TEAD3: variants seen among roughly 807,000 people sequenced by gnomAD.
The protein encoded by TEAD3 is transcriptional enhancer factor TEF-5.
In TEAD3, 15 loss-of-function variants were observed where a neutral mutation model predicts 55.6. The observed-to-expected ratio is 0.27, with a 90% CI of 0.18 to 0.42. The LOEUF is 0.42. TEAD3 is among the 10% of genes least tolerant of loss of function. TEAD3 has a pLI of 1.00. For missense variants in TEAD3, 407 were observed against 576.8 expected (o/e 0.71, Z 3.01); for synonymous variants, 210 against 232.2 (o/e 0.90, Z 0.87).
rs1158454505 is a variant in TEAD3 at position 35,488,301 on chromosome 6, A to C, written c.-49-1590T>G. Among the ~76,000 whole-genome samples, 2 of 152,018 alleles carry C rather than the reference A, an allele frequency of 1.3e-5. No individual in the cohort carries two copies. The highest frequency in any genetic ancestry group is 1.3e-4 in the Admixed American group (2 of 15,264). ...CCCTGGCCCATCCTACATGTGGGCC[A>C]GGGCTCTGTAAACTGTGAGTGCCCT... is the stretch of plus-strand genomic sequence containing the variant. On this transcript the variant is annotated intron_variant, in intron 1 of 12. Coordinates refer to ENST00000639578, the Ensembl canonical transcript of TEAD3. This position sits in a 1 kb window ranked among gnomAD's most constrained non-coding sequence, Gnocchi z 4.2.
Position 35,486,497 on chromosome 6 carries a change from G to T in TEAD3, c.166C>A (p.Arg56=), listed in dbSNP as rs904094659. The T allele has an allele frequency of 5.6e-6, 9 of 1,613,374 alleles. No individual in the cohort carries two copies. Among genetic ancestry groups the T allele is most frequent in the Non-Finnish European group, 7.6e-6 (9 of 1,179,706 alleles). ...CCCTCGTCTGACAGGATGATCTTCC[G>T]CCGGCCGCAGGGCGGGTAGATGGCC... The change falls in exon 2 of 13, where the codon CGG becomes AGG. Residue 56 remains arginine, a synonymous_variant. Transcript: ENST00000639578. This position sits in a 1 kb window ranked among gnomAD's most constrained non-coding sequence, Gnocchi z 7.3.
intron 1 of TEAD3, among the ~76,000 whole-genome samples, chr6:35,489,514 C>T (rs761436973): frequency 6.6e-6 from 1 of 152,142 alleles, no homozygotes; most frequent in Non-Finnish European, 1.5e-5. Flanking sequence ...TGAAGACCCC[C>T]GCACTGCCGT....
rs1768683819 is a variant in TEAD3 at position 35,496,930 on chromosome 6, G to A, written c.-82C>T. On this transcript the variant is annotated 5_prime_UTR_variant, in exon 1 of 13. Transcript: ENST00000639578. This position sits in a 1 kb window ranked among gnomAD's most constrained non-coding sequence, Gnocchi z 4.8. ...GAGCTCGCGGGGGCGCTCCGGCCGG[G>A]CCGCTCCGCCGGGCCCGAGGGAGCC... 6.6e-6 allele frequency: 1 copy of A among 151,426 alleles called. No homozygotes were observed. The allele number at this position is 151,426 out of a possible 1,614,324, so 9.4% of individuals were successfully genotyped here.
At chr6:35,479,167 C>T in intron 5 of TEAD3, 138 bp downstream of exon 5, 1 of 1,127,458 alleles carries the variant, frequency 8.9e-7, no homozygotes, top group Middle Eastern at 2.0e-4. Context: ...CGTGAGCCAC[C>T]ACGCCCAGCC....
At position 35,478,251 on chromosome 6, in the gene TEAD3, G is replaced by A. The variant is rs753300466; in HGVS notation, c.530+24C>T. On this transcript the variant is annotated intron_variant, in intron 7 of 12. Coordinates refer to ENST00000639578, the Ensembl canonical transcript of TEAD3. The stretch of plus-strand genomic sequence containing the variant: ...GCGGCTGCCAGGAGGAAGAGGGCGT[G>A]GGATGATGAGCCACAATACTCACTC... The A allele has an allele frequency of 5.6e-6, 9 of 1,612,438 alleles. No homozygotes were observed. In the East Asian group the frequency reaches 1.8e-4, roughly 32 times the overall value.
At chr6:35,495,261 C>T (rs772157140) in intron 1 of TEAD3, among the ~76,000 whole-genome samples, 2 of 152,200 alleles carry the variant, frequency 1.3e-5, no homozygotes, top group Non-Finnish European at 2.9e-5. Context: ...CAGAAAGTGC[C>T]AGGGTCTACA....
Position 35,486,466 on chromosome 6 carries a change from A to G in TEAD3, c.197T>C (p.Met66Thr). The G allele has an allele frequency of 6.2e-7, 1 of 1,612,634 alleles. No homozygotes were observed. The highest frequency in any genetic ancestry group is 8.5e-7 in the Non-Finnish European group (1 of 1,179,368). ...CCGCGCCCCCCGGCACGCACCGTAC[A>G]TCTTGCCCTCGTCTGACAGGATGAT... The change falls in exon 2 of 13, where the codon ATG (methionine) becomes ACG (threonine). Residue 66 changes from methionine to threonine, a missense_variant. Physicochemically the swap from Met to Thr is moderately conservative, Grantham distance 81. Coordinates refer to ENST00000639578, the Ensembl canonical transcript of TEAD3. This position sits in a 1 kb window ranked among gnomAD's most constrained non-coding sequence, Gnocchi z 7.3.
Position 35,491,049 on chromosome 6 carries a change from G to C in TEAD3, c.-49-4338C>G. Among the ~76,000 whole-genome samples, 1 of 151,878 alleles carries C rather than the reference G, an allele frequency of 6.6e-6. No individual in the cohort carries two copies. Among genetic ancestry groups the C allele is most frequent in the East Asian group, 1.9e-4 (1 of 5,166 alleles). On this transcript the variant is annotated intron_variant, in intron 1 of 12. Transcript: ENST00000639578. This position sits in a 1 kb window ranked among gnomAD's most constrained non-coding sequence, Gnocchi z 4.4. ...CAGGAGGGGCAGGGGAGACAGGCTG[G>C]GGGAGAGTCTGGGGCAAAGAGAAGC...
Position 35,475,225 on chromosome 6 carries a change from C to G in TEAD3, c.1195-68G>C. ...AAGGGCCACGGGGCAGGGGGCTGAA[C>G]AGACCATTCTCCTTTCCGGATCTAT... On this transcript the variant is annotated intron_variant, in intron 12 of 12. Transcript: ENST00000639578. The surrounding 1 kb of genome is among the most constrained non-coding windows in gnomAD (Gnocchi z 5.4). 6.3e-7 allele frequency: 1 copy of G among 1,582,024 alleles called. No individual in the cohort carries two copies. Among genetic ancestry groups the G allele is most frequent in the Non-Finnish European group, 8.6e-7 (1 of 1,162,494 alleles).
chr6:35,476,582 A>G (rs1010600798), intron 8 of TEAD3, 147 bp from the exon 9 acceptor site: 1 of 928,426 alleles, frequency 1.1e-6, no homozygotes, highest in Non-Finnish European at 1.6e-6. Context: ...TACAGTGTAC[A>G]ACCTGCACAA....
chr6:35,490,108 G>A (rs1345038460), intron 1 of TEAD3, among the ~76,000 whole-genome samples: 4 of 152,096 alleles, frequency 2.6e-5, no homozygotes, highest in East Asian at 1.9e-4. Flanking sequence ...GAGCAGCAGC[G>A]GCCCAGGCAG....
At chr6:35,476,980 G>A (rs1040003026) in intron 8 of TEAD3, among the ~76,000 whole-genome samples, 2 of 152,124 alleles carry the variant, frequency 1.3e-5, no homozygotes, top group Admixed American at 6.6e-5. Flanking sequence ...GCGCCACCAC[G>A]CCCAGCTAAT....
At chr6:35,480,191 C>T in intron 3 of TEAD3, 121 bp downstream of exon 4, 1 of 1,552,980 alleles carries the variant, frequency 6.4e-7, no homozygotes, top group Non-Finnish European at 8.7e-7. Flanking sequence ...AGAGCTTCAG[C>T]CAGAAAAGAG....
At chr6:35,476,641 G>A (rs961966134) in intron 8 of TEAD3, among the ~76,000 whole-genome samples, 13 of 152,190 alleles carry the variant, frequency 8.5e-5, no homozygotes, top group Non-Finnish European at 4.4e-5. Context: ...TTCCTTGTGT[G>A]TTTAAACAGA....
chr6:35,487,094 G>A (rs551501857), intron 1 of TEAD3, among the ~76,000 whole-genome samples: 1 of 152,254 alleles, frequency 6.6e-6, no homozygotes, highest in Non-Finnish European at 1.5e-5. Flanking sequence ...CAGCACTTTT[G>A]TAGGGAAAAG....
intron 1 of TEAD3, among the ~76,000 whole-genome samples, chr6:35,490,482 G>C (rs1298613446): frequency 6.6e-6 from 1 of 152,208 alleles, no homozygotes; most frequent in Non-Finnish European, 1.5e-5. Flanking sequence ...ACAGGGGCAA[G>C]TGGCACTCCC....
chr6:35,491,230 C>T lies in TEAD3; in HGVS notation c.-49-4519G>A, dbSNP rs1768510497. ...GAGGCAGGGCGGGGGAGTGCTGGAC[C>T]CTCAGACCCACAGACTGACAGACAG... On this transcript the variant is annotated intron_variant, in intron 1 of 12. Coordinates refer to ENST00000639578, the Ensembl canonical transcript of TEAD3. This position sits in a 1 kb window ranked among gnomAD's most constrained non-coding sequence, Gnocchi z 4.4. Among the ~76,000 whole-genome samples, 2 of 150,504 alleles carry T rather than the reference C, an allele frequency of 1.3e-5. No homozygotes were observed. The highest frequency in any genetic ancestry group is 3.0e-5 in the Non-Finnish European group (2 of 67,570).
chr6:35,483,845 C>T lies in TEAD3; in HGVS notation c.267+715G>A, dbSNP rs1385575407. Among the ~76,000 whole-genome samples the T allele has an allele frequency of 6.6e-6, 1 of 151,784 alleles. No individual in the cohort carries two copies. The highest frequency in any genetic ancestry group is 6.6e-5 in the Admixed American group (1 of 15,246). On this transcript the variant is annotated intron_variant, in intron 3 of 12. Coordinates refer to ENST00000639578, the Ensembl canonical transcript of TEAD3. The surrounding 1 kb of genome is among the most constrained non-coding windows in gnomAD (Gnocchi z 4.5). ...CTGCCTGGGGGGCTTGAAGAAGTTACTTAACTTCCCTATGCATCAGTTTCC... is the reference window on the plus strand; with the variant it reads ...CTGCCTGGGGGGCTTGAAGAAGTTATTTAACTTCCCTATGCATCAGTTTCC...
intron 1 of TEAD3, among the ~76,000 whole-genome samples, chr6:35,489,981 T>C (rs773445536): frequency 1.2e-3 from 181 of 152,196 alleles, no homozygotes; most frequent in Non-Finnish European, 2.1e-3. Flanking sequence ...ATAGTTGGGA[T>C]GCAGGGCCTG....
Sources: allele counts gnomAD v4.1 joint callset (sites outside exome capture counted in the v4.1 genomes callset), GRCh38; gene constraint gnomAD v4.1.1; non-coding constraint Gnocchi (gnomAD v3.1); transcripts MANE v1.5; gene names NCBI Gene and HGNC (gene_info 2026-07-23, HGNC 2026-07-21).